KAZN: variants seen among roughly 807,000 people sequenced by gnomAD.
The protein encoded by KAZN is kazrin, periplakin interacting protein.
In KAZN, 40 loss-of-function variants were observed where a neutral mutation model predicts 87.4. The observed-to-expected ratio is 0.46, with a 90% confidence interval of 0.36 to 0.60. The LOEUF is 0.60. KAZN is among the 20% of genes least tolerant of loss of function. The pLI is 0.00. For synonymous variants in KAZN, 466 were observed against 458.3 expected, an observed-to-expected ratio of 1.02 and a Z score of -0.22; for missense variants, 898 against 1,073.9, an observed-to-expected ratio of 0.84 and a Z score of 2.29.
intron 2 of KAZN, among the ~76,000 whole-genome samples, chr1:14,576,164 C>T (rs1457522157): frequency 6.6e-6 from 1 of 152,200 alleles, no homozygotes; most frequent in African/African-American, 2.4e-5. Context: ...TTAGTTGTCA[C>T]ATTTGTAAAA....
chr1:13,976,410 A>T (rs1638360401), intron 1 of KAZN, among the ~76,000 whole-genome samples: 1 of 152,168 alleles, frequency 6.6e-6, no homozygotes, highest in South Asian at 2.1e-4. Flanking sequence ...AAATTACTCC[A>T]TATGGTAATG....
intron 1 of KAZN, among the ~76,000 whole-genome samples, chr1:14,061,973 T>C (rs1478875849): frequency 2.0e-5 from 3 of 152,146 alleles, no homozygotes; most frequent in African/African-American, 7.2e-5. Context: ...TGTTGAAGTC[T>C]GGAATTCACA....
At chr1:14,160,642 G>A (rs1256650640) in intron 1 of KAZN, among the ~76,000 whole-genome samples, 5 of 152,120 alleles carry the variant, frequency 3.3e-5, no homozygotes. Context: ...CTTATGGTGG[G>A]GCAAGAATCG....
rs1189432175 is a variant in KAZN at position 14,735,627 on chromosome 1, C to G, written c.226+136404C>G. Among the ~76,000 whole-genome samples the G allele has an allele frequency of 1.3e-5, 2 of 152,160 alleles. No homozygotes were observed. Among genetic ancestry groups the G allele is most frequent in the Non-Finnish European group, 2.9e-5 (2 of 68,034 alleles). On this transcript the variant is annotated intron_variant, in intron 1 of 14. Transcript: ENST00000376030. The surrounding 1 kb of genome is among the most constrained non-coding windows in gnomAD (Gnocchi z 4.3). ...TGAGATCCATATACCCAAACATCAG[C>G]GAGGCTGCCGTGAGAAGCAGCAGGA...
chr1:15,076,600 C>A (rs1380529091), intron 8 of KAZN, among the ~76,000 whole-genome samples: 1 of 152,238 alleles, frequency 6.6e-6, no homozygotes. Flanking sequence ...TGCTTCAGAG[C>A]AGGAACCCAG....
At chr1:14,722,141 A>C (rs937837925) in intron 1 of KAZN, among the ~76,000 whole-genome samples, 15 of 141,414 alleles carry the variant, frequency 1.1e-4, no homozygotes, top group African/African-American at 3.8e-4. Flanking sequence ...TCAGAGTGAG[A>C]CTCTGTCTCA....
chr1:14,934,977 G>T (rs908488632), intron 1 of KAZN, among the ~76,000 whole-genome samples: 3 of 152,202 alleles, frequency 2.0e-5, no homozygotes, highest in Admixed American at 2.0e-4. Flanking sequence ...AGCGCCGGGG[G>T]CCTCTGTGGC....
At chr1:14,993,831 T>C (rs1049463663) in intron 2 of KAZN, among the ~76,000 whole-genome samples, 1 of 152,158 alleles carries the variant, frequency 6.6e-6, no homozygotes, top group African/African-American at 2.4e-5. Context: ...AAGAGAGAAC[T>C]TTGAGCCGTA....
chr1:14,404,284 A>G (rs765459194), intron 2 of KAZN, among the ~76,000 whole-genome samples: 8 of 152,196 alleles, frequency 5.3e-5, no homozygotes, highest in Non-Finnish European at 1.2e-4. Flanking sequence ...CTATTGGCAC[A>G]GCTGCCAGCA....
intron 8 of KAZN, among the ~76,000 whole-genome samples, chr1:15,080,255 A>G (rs1639934700): frequency 6.6e-6 from 1 of 152,212 alleles, no homozygotes; most frequent in Non-Finnish European, 1.5e-5. Flanking sequence ...TAAAGCAGTT[A>G]TTGTTGGTAA....
chr1:14,635,066 T>G (rs1204009282), intron 1 of KAZN, among the ~76,000 whole-genome samples: 1 of 152,220 alleles, frequency 6.6e-6, no homozygotes, highest in African/African-American at 2.4e-5. Context: ...CCACAGGTGT[T>G]GCAGGAAGGG....
chr1:13,962,294 A>G (rs2101027339), intron 1 of KAZN, among the ~76,000 whole-genome samples: 1 of 151,722 alleles, frequency 6.6e-6, no homozygotes. Context: ...GAGTTGGGGG[A>G]GGTGACTCTC....
intron 1 of KAZN, among the ~76,000 whole-genome samples, chr1:14,899,180 G>A (rs1655584808): frequency 6.6e-6 from 1 of 152,224 alleles, no homozygotes; most frequent in Non-Finnish European, 1.5e-5. Flanking sequence ...CCAAGGTCAG[G>A]AAGATGGAAT....
intron 2 of KAZN, among the ~76,000 whole-genome samples, chr1:14,322,204 T>C (rs1409599353): frequency 6.6e-6 from 1 of 152,114 alleles, no homozygotes; most frequent in Non-Finnish European, 1.5e-5. Context: ...GGCAGGAGGA[T>C]AGCTTGAGCC....
At chr1:14,464,539 T>C (rs548396014) in intron 2 of KAZN, among the ~76,000 whole-genome samples, 25 of 150,150 alleles carry the variant, frequency 1.7e-4, no homozygotes, top group Admixed American at 2.6e-4. Context: ...TTTCTTTTTT[T>C]TTTCTTTCTT....
chr1:14,707,608 G>A (rs1436166640), intron 1 of KAZN, among the ~76,000 whole-genome samples: 2 of 152,216 alleles, frequency 1.3e-5, no homozygotes, highest in Non-Finnish European at 2.9e-5. Flanking sequence ...AGAGGAGCCC[G>A]GGGATTTCTT....
intron 2 of KAZN, among the ~76,000 whole-genome samples, chr1:14,268,580 CTCTG>C (rs1651681056): frequency 2.0e-5 from 3 of 152,054 alleles, no homozygotes; most frequent in Middle Eastern, 3.2e-3. Context: ...CTGCTCTCAC[CTCTG>C]TTTTCAATGA....
intron 1 of KAZN, among the ~76,000 whole-genome samples, chr1:14,875,073 T>C (rs1477157329): frequency 6.6e-6 from 1 of 152,044 alleles, no homozygotes; most frequent in Admixed American, 6.6e-5. Flanking sequence ...GGCTCACACC[T>C]GTAATCCCAG....
intron 2 of KAZN, among the ~76,000 whole-genome samples, chr1:14,583,991 C>T (rs1052756870): frequency 2.0e-5 from 3 of 152,152 alleles, no homozygotes; most frequent in Non-Finnish European, 2.9e-5. Context: ...TCCAAGTCCC[C>T]GCCCAGGCTG....
Sources: allele counts gnomAD v4.1 joint callset (sites outside exome capture counted in the v4.1 genomes callset), GRCh38; gene constraint gnomAD v4.1.1; non-coding constraint Gnocchi (gnomAD v3.1); transcripts MANE v1.5; gene names NCBI Gene and HGNC (gene_info 2026-07-23, HGNC 2026-07-21).